PTPRU: variants seen among roughly 807,000 people sequenced by gnomAD.
PTPRU encodes the protein receptor-type tyrosine-protein phosphatase U.
PTPRU carries 69 observed loss-of-function variants against 166.3 expected under a neutral mutation model. The observed-to-expected ratio is 0.41, with a 90% CI of 0.34 to 0.51. The LOEUF (loss-of-function observed/expected upper bound fraction) is 0.51, where lower values mean the gene tolerates loss of function less well. Among genes scored for constraint, PTPRU ranks in the 20% least tolerant of loss-of-function variants. The probability of loss-of-function intolerance (pLI) is 0.09; values close to 1 mark genes in which losing one functional copy is unlikely to be tolerated. For synonymous variants in PTPRU, 793 were observed against 814.0 expected (o/e 0.97, Z 0.44); for missense variants, 1,657 against 2,013.7 (o/e 0.82, Z 3.39).
At chr1:29,298,006 C>G (rs1451198508) in intron 15 of PTPRU, among the ~76,000 whole-genome samples, 1 of 151,996 alleles carries the variant, frequency 6.6e-6, no homozygotes, top group Non-Finnish European at 1.5e-5. Context: ...ACCTGTAATC[C>G]CAGCACTTGA....
intron 15 of PTPRU, among the ~76,000 whole-genome samples, chr1:29,302,761 G>C (rs2151962659): frequency 6.6e-6 from 1 of 152,234 alleles, no homozygotes; most frequent in South Asian, 2.1e-4. Context: ...ATGTTGGCCA[G>C]GTTGGTCTTG....
chr1:29,243,808 A>C (rs1305788858), intron 1 of PTPRU, among the ~76,000 whole-genome samples: 1 of 152,148 alleles, frequency 6.6e-6, no homozygotes, highest in Non-Finnish European at 1.5e-5. Context: ...TGCACAGGGA[A>C]GGCTTGGAGG....
At chr1:29,262,629 T>C (rs1020976779) in intron 7 of PTPRU, among the ~76,000 whole-genome samples, 2 of 152,164 alleles carry the variant, frequency 1.3e-5, no homozygotes, top group Admixed American at 6.5e-5. Context: ...AAAAACATAG[T>C]TTATCTAGGG....
At chr1:29,316,208 G>A in intron 24 of PTPRU, 57 bp downstream of exon 24, 3 of 1,558,722 alleles carry the variant, frequency 1.9e-6, no homozygotes, top group South Asian at 1.2e-5. Context: ...TGTGTGTTGG[G>A]GCATCCTTAA....
chr1:29,321,908 C>T (rs367842557), intron 26 of PTPRU, among the ~76,000 whole-genome samples: 2 of 152,176 alleles, frequency 1.3e-5, no homozygotes, highest in Non-Finnish European at 2.9e-5. Flanking sequence ...CTTTGGAGCT[C>T]CCAAGAAGTA....
intron 19 of PTPRU, 92 bp downstream of exon 19, chr1:29,310,872 C>T (rs1438806682): frequency 5.6e-6 from 8 of 1,428,080 alleles, no homozygotes; most frequent in Non-Finnish European, 7.9e-6. Context: ...CCCTGCTGAT[C>T]CGCTTGATTC....
At chr1:29,289,830 G>A (rs1279414894) in intron 14 of PTPRU, 6 of 1,144,044 alleles carry the variant, frequency 5.2e-6, no homozygotes, top group African/African-American at 3.1e-5. Flanking sequence ...GTGTCCACCC[G>A]GTTCTCTCTG....
intron 19 of PTPRU, 27 bp downstream of exon 19, chr1:29,310,807 C>T: frequency 6.2e-7 from 1 of 1,609,106 alleles, no homozygotes; most frequent in Non-Finnish European, 8.5e-7. Context: ...CCCACATGCG[C>T]CTTCCCATGT....
Position 29,260,635 on chromosome 1 carries a change from A to C in PTPRU, c.876A>C (p.Pro292=). ...VKEPPTPIAP[P]QLLRAGPTYL... ...AGCCCCCAACTCCCATCGCGCCCCC[A>C]CAGCTGCTGCGTGCTGGCCCCACCT... The change falls in exon 7 of 30, where the codon CCA becomes CCC. Residue 292 remains proline (P), a synonymous_variant. Coordinates refer to ENST00000373779, the MANE Select transcript of PTPRU (RefSeq NM_133178.4). The surrounding 1 kb of genome is among the most constrained non-coding windows in gnomAD (Gnocchi z 8.3). 2.0e-6 allele frequency: 3 copies of C among 1,493,946 alleles called. No individual in the cohort carries two copies. Among genetic ancestry groups the C allele is most frequent in the South Asian group, 2.7e-5 (2 of 73,682 alleles). The allele number at this position is 1,493,946 out of a possible 1,614,324, so 92.5% of individuals were successfully genotyped here.
intron 7 of PTPRU, among the ~76,000 whole-genome samples, chr1:29,272,656 C>T (rs138295789): frequency 4.8e-4 from 73 of 152,128 alleles, no homozygotes; most frequent in African/African-American, 1.8e-3. Context: ...CCTGTAATCC[C>T]AGTACTTTGG....
intron 15 of PTPRU, among the ~76,000 whole-genome samples, 187 bp downstream of exon 15, chr1:29,292,213 G>A (rs1277582806): frequency 6.6e-6 from 1 of 152,218 alleles, no homozygotes; most frequent in African/African-American, 2.4e-5. Flanking sequence ...TGTACTAGAG[G>A]AGCTTGCAAG....
chr1:29,240,907 T>C (rs948188771), intron 1 of PTPRU, among the ~76,000 whole-genome samples: 4 of 152,030 alleles, frequency 2.6e-5, no homozygotes, highest in African/African-American at 9.7e-5. Context: ...CAGCCTCTGT[T>C]CTCACCGCTT....
intron 18 of PTPRU, among the ~76,000 whole-genome samples, chr1:29,310,041 C>T (rs930342540): frequency 5.3e-5 from 8 of 152,148 alleles, no homozygotes; most frequent in Non-Finnish European, 8.8e-5. Flanking sequence ...TTTCTCTCCT[C>T]AGCTTGGGGG....
intron 1 of PTPRU, among the ~76,000 whole-genome samples, chr1:29,251,547 A>G (rs1387345442): frequency 6.6e-6 from 1 of 152,194 alleles, no homozygotes; most frequent in Non-Finnish European, 1.5e-5. Context: ...AACTTGGATC[A>G]GTCTGGCTGG....
chr1:29,274,238 A>G (rs1417326579), intron 7 of PTPRU, among the ~76,000 whole-genome samples: 1 of 151,598 alleles, frequency 6.6e-6, no homozygotes, highest in Non-Finnish European at 1.5e-5. Flanking sequence ...ACGGGGCTTC[A>G]CCATATTGGC....
At chr1:29,307,179 C>T (rs1234134210) in intron 18 of PTPRU, 1 of 1,601,644 alleles carries the variant, frequency 6.2e-7, no homozygotes. Flanking sequence ...CCTCCTCCTC[C>T]TCTTCCTCCT....
Position 29,311,134 on chromosome 1 carries a change from C to A in PTPRU, c.2858-322C>A, listed in dbSNP as rs778288052. On this transcript the variant is annotated intron_variant, in intron 19 of 29. Transcript: ENST00000373779. This position sits in a 1 kb window ranked among gnomAD's most constrained non-coding sequence, Gnocchi z 4.1. ...TCTCGGTCTGGTGGCTGCCTGGATT[C>A]TTCTGTTTGCATCCCTTTCCACGAC... is the stretch of plus-strand genomic sequence containing the variant. 2.0e-5 allele frequency among the ~76,000 whole-genome samples: 3 copies of A among 152,138 alleles called. No homozygotes were observed. Among genetic ancestry groups the A allele is most frequent in the Non-Finnish European group, 2.9e-5 (2 of 68,022 alleles).
rs1684987607 is a variant in PTPRU at position 29,260,151 on chromosome 1, C to A, written c.850+107C>A. The A allele has an allele frequency of 2.5e-6, 3 of 1,187,472 alleles. No homozygotes were observed. The highest frequency in any genetic ancestry group is 3.3e-6 in the Non-Finnish European group (3 of 919,062). The allele number at this position is 1,187,472 out of a possible 1,614,324, so 73.6% of individuals were successfully genotyped here. A position where few individuals can be genotyped will look rare whatever the true frequency, so the allele number is the denominator to read the frequency against. Reference sequence around the variant, plus strand: ...GCGTGGCCGTGGGGGGTGGGGCCGGCAGGGTGTCGCTGGGGCGCTATCTGA... The same window carrying A: ...GCGTGGCCGTGGGGGGTGGGGCCGGAAGGGTGTCGCTGGGGCGCTATCTGA... On this transcript the variant is annotated intron_variant, in intron 6 of 29. Coordinates refer to ENST00000373779, the MANE Select transcript of PTPRU (RefSeq NM_133178.4). This position sits in a 1 kb window ranked among gnomAD's most constrained non-coding sequence, Gnocchi z 8.3.
chr1:29,269,132 C>A (rs1484942162), intron 7 of PTPRU, among the ~76,000 whole-genome samples: 3 of 149,232 alleles, frequency 2.0e-5, no homozygotes, highest in Non-Finnish European at 4.4e-5. Context: ...CAGCCTTGAA[C>A]TCCTGGGCTC....
Sources: allele counts gnomAD v4.1 joint callset (sites outside exome capture counted in the v4.1 genomes callset), GRCh38; gene constraint gnomAD v4.1.1; non-coding constraint Gnocchi (gnomAD v3.1); transcripts MANE v1.5; gene names NCBI Gene and HGNC (gene_info 2026-07-23, HGNC 2026-07-21).